Variants in RAB14 observed in about 807,000 individuals in gnomAD.
RAB14 encodes the protein ras-related protein Rab-14.
RAB14 carries 3 observed loss-of-function variants against 31.1 expected under a neutral mutation model. That is an observed-to-expected ratio of 0.10 (90% CI 0.04 to 0.25). RAB14 has a LOEUF of 0.25. RAB14 is among the 10% of genes least tolerant of loss of function. The pLI, the probability that RAB14 is intolerant of heterozygous loss-of-function variation, is 1.00. For synonymous variants in RAB14, 85 were observed against 84.9 expected, an observed-to-expected ratio of 1.00 and a Z score of 0.00; for missense variants, 111 against 260.1, an observed-to-expected ratio of 0.43 and a Z score of 3.94.
chr9:121,197,672 T>C (rs190211550), intron 1 of RAB14, among the ~76,000 whole-genome samples: 87 of 152,346 alleles, frequency 5.7e-4, no homozygotes, highest in African/African-American at 1.9e-3. Flanking sequence ...CTTTCATACA[T>C]ACTGCTTGTG....
chr9:121,192,633 C>T (rs2053693134), intron 2 of RAB14, among the ~76,000 whole-genome samples: 1 of 151,956 alleles, frequency 6.6e-6, no homozygotes, highest in Non-Finnish European at 1.5e-5. Flanking sequence ...AAACTGAGTT[C>T]TGGAAGCTTG....
At chr9:121,186,241 C>T (rs915182510) in intron 5 of RAB14, among the ~76,000 whole-genome samples, 5 of 152,168 alleles carry the variant, frequency 3.3e-5, no homozygotes, top group Admixed American at 6.5e-5. Flanking sequence ...TCTCTCCAGA[C>T]GGCACTGATC....
Position 121,201,807 on chromosome 9 carries a change from T to C in RAB14, c.-176A>G, listed in dbSNP as rs922444996. On this transcript the variant is annotated 5_prime_UTR_variant, in exon 1 of 8. Transcript: ENST00000373840. Reference sequence around the variant, plus strand: ...GACGCGCCGGCAGCAGTAGCGGCAGTAGCAGTGGCAGCGGTGACTGCTCCT... The same window carrying C: ...GACGCGCCGGCAGCAGTAGCGGCAGCAGCAGTGGCAGCGGTGACTGCTCCT... 3.9e-5 allele frequency: 6 copies of C among 152,356 alleles called. No homozygotes were observed. The highest frequency in any genetic ancestry group is 6.5e-5 in the Admixed American group (1 of 15,288). 9.4% of individuals were successfully genotyped at this position (152,356 alleles called of 1,614,324 possible).
chr9:121,190,409 A>T (rs141583008), intron 4 of RAB14, 145 bp downstream of exon 4: 1 of 787,808 alleles, frequency 1.3e-6, no homozygotes, highest in Non-Finnish European at 1.8e-6. Flanking sequence ...CAAGTTTTAC[A>T]TGGCAACTTA....
At chr9:121,195,074 T>C (rs1201382742) in intron 1 of RAB14, among the ~76,000 whole-genome samples, 1 of 152,094 alleles carries the variant, frequency 6.6e-6, no homozygotes, top group Non-Finnish European at 1.5e-5. Context: ...TTTATTCCCT[T>C]TTCCAGGCAC....
chr9:121,180,165 C>T lies in RAB14; in HGVS notation c.*1231G>A, dbSNP rs2053625365. The stretch of plus-strand genomic sequence containing the variant: ...ATAAAACAGCCCCTCACACTGTGAA[C>T]ACAGGGATATCTTAAGTTATTTCAC... On this transcript the variant is annotated 3_prime_UTR_variant, in exon 8 of 8. Coordinates refer to ENST00000373840, the MANE Select transcript of RAB14 (RefSeq NM_016322.4). The T allele has an allele frequency of 6.6e-6, 1 of 152,618 alleles. No homozygotes were observed. The highest frequency in any genetic ancestry group is 6.5e-5 in the Admixed American group (1 of 15,284). 9.5% of individuals were successfully genotyped at this position (152,618 alleles called of 1,614,324 possible). A position where few individuals can be genotyped will look rare whatever the true frequency, so the allele number is the denominator to read the frequency against.
At position 121,181,302 on chromosome 9, in the gene RAB14, A is replaced by T; in HGVS notation, c.*94T>A. 8.0e-7 allele frequency: 1 copy of T among 1,243,606 alleles called. No homozygotes were observed. Among genetic ancestry groups the T allele is most frequent in the Non-Finnish European group, 1.1e-6 (1 of 926,166 alleles). 77.0% of individuals were successfully genotyped at this position (1,243,606 alleles called of 1,614,324 possible). A position where few individuals can be genotyped will look rare whatever the true frequency, so the allele number is the denominator to read the frequency against. On this transcript the variant is annotated 3_prime_UTR_variant, in exon 8 of 8. Transcript: ENST00000373840. ...TTTTTCTTTTTTTTTAATTAAACCC[A>T]GTAAGATGTACAGAAGACAATGAGG...
chr9:121,197,082 T>G (rs1436125635), intron 1 of RAB14, among the ~76,000 whole-genome samples: 2 of 152,190 alleles, frequency 1.3e-5, no homozygotes, highest in Non-Finnish European at 2.9e-5. Context: ...TATTATTAGC[T>G]TATTTCAGGT....
At chr9:121,191,731 C>A (rs540714700) in intron 3 of RAB14, among the ~76,000 whole-genome samples, 3 of 152,244 alleles carry the variant, frequency 2.0e-5, no homozygotes, top group African/African-American at 7.2e-5. Flanking sequence ...ACACTTTCAA[C>A]TATATTTAGC....
At chr9:121,192,323 G>T in intron 2 of RAB14, 99 bp from the exon 3 acceptor site, 1 of 800,418 alleles carries the variant, frequency 1.2e-6, no homozygotes, top group Non-Finnish European at 1.9e-6. Context: ...CAAGTTTCTG[G>T]GACACTTAAC....
At chr9:121,192,531 GTTTTC>G (rs911427107) in intron 2 of RAB14, among the ~76,000 whole-genome samples, 34 of 151,704 alleles carry the variant, frequency 2.2e-4, no homozygotes, top group African/African-American at 7.5e-4. Context: ...TTATGTTTTT[GTTTTC>G]TTTTGTTTTT....
intron 1 of RAB14, among the ~76,000 whole-genome samples, chr9:121,199,258 A>G (rs574296325): frequency 6.4e-4 from 97 of 152,356 alleles, no homozygotes; most frequent in African/African-American, 1.9e-3. Context: ...ATGAAGCAAG[A>G]CTGATCACTG....
intron 7 of RAB14, among the ~76,000 whole-genome samples, chr9:121,182,061 A>G (rs1306628497): frequency 6.6e-6 from 1 of 152,114 alleles, no homozygotes; most frequent in Non-Finnish European, 1.5e-5. Flanking sequence ...ACTACTTTCT[A>G]TGGAAAGCAT....
Position 121,186,939 on chromosome 9 carries a change from G to A in RAB14, c.351+14C>T, listed in dbSNP as rs756171797. The A allele has an allele frequency of 4.0e-6, 6 of 1,505,674 alleles. No homozygotes were observed. The highest frequency in any genetic ancestry group is 4.4e-6 in the Non-Finnish European group (5 of 1,124,306). The allele number at this position is 1,505,674 out of a possible 1,614,324, so 93.3% of individuals were successfully genotyped here. On this transcript the variant is annotated intron_variant, in intron 5 of 7. Transcript: ENST00000373840. The stretch of plus-strand genomic sequence containing the variant: ...TCTTAAATTTTCTGTGTAATAAGAT[G>A]CCATTTAACTTACAGTATTTGGATT...
chr9:121,188,017 T>C (rs776698895), intron 4 of RAB14, among the ~76,000 whole-genome samples: 36 of 151,956 alleles, frequency 2.4e-4, no homozygotes, highest in Non-Finnish European at 4.4e-4. Context: ...TCATAGAAAA[T>C]CTGTTATTCA....
chr9:121,190,331 C>T (rs187989049), intron 4 of RAB14, among the ~76,000 whole-genome samples: 292 of 152,180 alleles, frequency 1.9e-3, no homozygotes, highest in Admixed American at 3.3e-3. Flanking sequence ...ATTAGCTTCA[C>T]CCAATAACTA....
At position 121,192,231 on chromosome 9, in the gene RAB14, A is replaced by G. The variant is rs2053690915; in HGVS notation, c.53-7T>C. On this transcript the variant is annotated splice_region_variant and splice_polypyrimidine_tract_variant and intron_variant, in intron 2 of 7. Coordinates refer to ENST00000373840, the MANE Select transcript of RAB14 (RefSeq NM_016322.4). ...TTTCCTACTCCCATGTCCCCTGTTT[A>G]AAAAAAAAGAAGTTTCAGGTGGCAA... The G allele has an allele frequency of 1.3e-6, 2 of 1,526,618 alleles. No individual in the cohort carries two copies. The highest frequency in any genetic ancestry group is 1.2e-5 in the South Asian group (1 of 81,618). 94.6% of individuals were successfully genotyped at this position (1,526,618 alleles called of 1,614,324 possible).
chr9:121,188,253 C>T (rs2053668297), intron 4 of RAB14, among the ~76,000 whole-genome samples: 1 of 151,850 alleles, frequency 6.6e-6, no homozygotes, highest in Non-Finnish European at 1.5e-5. Context: ...GTATTATTGG[C>T]ATATCTTGAC....
At chr9:121,195,456 A>T (rs2053709987) in intron 1 of RAB14, among the ~76,000 whole-genome samples, 1 of 152,030 alleles carries the variant, frequency 6.6e-6, no homozygotes, top group Admixed American at 6.6e-5. Context: ...AACAATCCCA[A>T]ATTTCTACTT....
Sources: gnomAD v4.1 joint callset for allele counts (sites outside exome capture counted in the v4.1 genomes callset) on GRCh38, gnomAD v4.1.1 for gene constraint, MANE v1.5 for transcripts, NCBI Gene and HGNC (gene_info 2026-07-23, HGNC 2026-07-21) for gene names.